SLC9A8: variants seen among roughly 807,000 people sequenced by gnomAD.
The protein encoded by SLC9A8 is sodium/hydrogen exchanger 8.
SLC9A8 carries 48 observed loss-of-function variants against 66.6 expected under a neutral mutation model. The ratio of observed to expected loss-of-function variants is 0.72; its 90% CI spans 0.57 to 0.92. The LOEUF (loss-of-function observed/expected upper bound fraction) is 0.92, where lower values mean the gene tolerates loss of function less well. Ranked by LOEUF, SLC9A8 falls within the 40% of genes least tolerant of loss-of-function variation. The pLI is 0.00. For synonymous variants in SLC9A8, 274 were observed against 282.6 expected (o/e 0.97, Z 0.31); for missense variants, 599 against 747.3 (o/e 0.80, Z 2.31).
In SLC9A8 at chr20:49,869,416, G is replaced by C. The variant is rs2294601; in HGVS notation, c.958+4572G>C. Among the ~76,000 whole-genome samples, 3,392 of 151,680 alleles carry C rather than the reference G, an allele frequency of 0.022. 365 individuals carry two copies. In the East Asian group the frequency reaches 0.35, roughly 15 times the overall value. ...TTTTTGTATTTTTAGTAGAGACAGG[G>C]TTTCACCATCTTGGCCAGGCTGATC... On this transcript the variant is annotated intron_variant, in intron 10 of 15. Coordinates refer to ENST00000361573, the MANE Select transcript of SLC9A8 (RefSeq NM_015266.3).
intron 8 of SLC9A8, among the ~76,000 whole-genome samples, chr20:49,861,838 C>T (rs955344225): frequency 3.3e-5 from 5 of 152,134 alleles, no homozygotes; most frequent in Non-Finnish European, 5.9e-5. Context: ...TCTTTCATTT[C>T]TTCCTCCTTA....
At chr20:49,847,950 C>G (rs1385371391) in intron 5 of SLC9A8, among the ~76,000 whole-genome samples, 1 of 98,260 alleles carries the variant, frequency 1.0e-5, no homozygotes, top group African/African-American at 4.1e-5. Flanking sequence ...GCTCTTGTTG[C>G]CCAGGCTGGA....
At chr20:49,885,939 A>G (rs2089873847) in intron 14 of SLC9A8, among the ~76,000 whole-genome samples, 1 of 152,174 alleles carries the variant, frequency 6.6e-6, no homozygotes, top group South Asian at 2.1e-4. Context: ...ATTCAGACCT[A>G]CTGAATTAGC....
At chr20:49,820,801 T>C (rs943861346) in intron 2 of SLC9A8, among the ~76,000 whole-genome samples, 5 of 152,074 alleles carry the variant, frequency 3.3e-5, no homozygotes, top group Non-Finnish European at 5.9e-5. Context: ...TGCCTCAGCC[T>C]CCCAAAGTGC....
intron 1 of SLC9A8, 76 bp downstream of exon 1, chr20:49,813,024 C>T (rs958278633): frequency 1.7e-5 from 21 of 1,260,636 alleles, no homozygotes; most frequent in Non-Finnish European, 2.2e-5. Flanking sequence ...CCTCAGGCCG[C>T]CCTCCGGCCC....
chr20:49,849,394 C>T (rs932813559), intron 5 of SLC9A8, among the ~76,000 whole-genome samples, 185 bp from the exon 6 acceptor site: 8 of 151,948 alleles, frequency 5.3e-5, no homozygotes, highest in Non-Finnish European at 7.4e-5. Flanking sequence ...GTGTGAGTGA[C>T]GGGACACTGC....
intron 3 of SLC9A8, among the ~76,000 whole-genome samples, chr20:49,824,002 T>C (rs1383803322): frequency 6.6e-6 from 1 of 152,200 alleles, no homozygotes; most frequent in Non-Finnish European, 1.5e-5. Flanking sequence ...TTGTTTAGAT[T>C]AGCTTTGGAA....
chr20:49,850,767 T>G (rs1172053395), intron 6 of SLC9A8, 43 bp from the exon 7 acceptor site: 1 of 1,602,860 alleles, frequency 6.2e-7, no homozygotes, highest in East Asian at 2.2e-5. Context: ...TCCAGGGTTT[T>G]TTTTTTGTGT....
At position 49,812,863 on chromosome 20, in the gene SLC9A8, CA is replaced by C; in HGVS notation, c.-56del. On this transcript the variant is annotated 5_prime_UTR_variant, in exon 1 of 16. Coordinates refer to ENST00000361573, the MANE Select transcript of SLC9A8 (RefSeq NM_015266.3). ...CCGCGCCTCCAGCGGAAGCCGGAAG[CA>C]AAAGCGGGTCCTGCTAGCCCCGCGG... 1 of 1,492,112 alleles carries C rather than the reference CA, an allele frequency of 6.7e-7. No individual in the cohort carries two copies. The highest frequency in any genetic ancestry group is 8.9e-7 in the Non-Finnish European group (1 of 1,123,218). The allele number at this position is 1,492,112 out of a possible 1,614,324, so 92.4% of individuals were successfully genotyped here.
At chr20:49,860,693 C>G (rs2088695239) in intron 8 of SLC9A8, among the ~76,000 whole-genome samples, 1 of 152,128 alleles carries the variant, frequency 6.6e-6, no homozygotes, top group African/African-American at 2.4e-5. Context: ...TGCACTCCAG[C>G]CTGAGCAACA....
rs536359920 is a variant in SLC9A8 at position 49,887,990 on chromosome 20, A to G, written c.*54A>G. 1 of 1,385,286 alleles carries G rather than the reference A, an allele frequency of 7.2e-7. No individual in the cohort carries two copies. Among genetic ancestry groups the G allele is most frequent in the South Asian group, 1.2e-5 (1 of 85,916 alleles). 85.8% of individuals were successfully genotyped at this position (1,385,286 alleles called of 1,614,324 possible). A position where few individuals can be genotyped will look rare whatever the true frequency, so the allele number is the denominator to read the frequency against. On this transcript the variant is annotated 3_prime_UTR_variant, in exon 16 of 16. Coordinates refer to ENST00000361573, the MANE Select transcript of SLC9A8 (RefSeq NM_015266.3). ...GGCCCAGGATGGGCGTTTGCTGCGC[A>G]CAGACACTCAGCAGGGGCCTCGCAG...
chr20:49,884,817 C>T (rs796341887), intron 14 of SLC9A8, among the ~76,000 whole-genome samples: 3 of 152,332 alleles, frequency 2.0e-5, no homozygotes, highest in African/African-American at 7.2e-5. Flanking sequence ...GCCTTCCCGC[C>T]CTGTCTTCAC....
At position 49,887,905 on chromosome 20, in the gene SLC9A8, GC is replaced by G. The variant is rs754862012; in HGVS notation, c.1716del (p.Ser573ProfsTer126). ...GAGGAGGTACGCCAGGGCCCCTCCG[GC>G]TCCGAGGACGACGAGCAGGAGCTGC... ...WYEEVRQGPS[G>X]SEDDEQELL is the part of the protein sequence containing the mutation. On this transcript the variant is annotated frameshift_variant, in exon 16 of 16. Coordinates refer to ENST00000361573, the MANE Select transcript of SLC9A8 (RefSeq NM_015266.3). LOFTEE classifies it high-confidence loss of function. The G allele has an allele frequency of 1.2e-6, 2 of 1,613,722 alleles. No individual in the cohort carries two copies. Among genetic ancestry groups the G allele is most frequent in the Non-Finnish European group, 8.5e-7 (1 of 1,179,912 alleles).
At chr20:49,823,023 G>GT (rs749149085) in intron 2 of SLC9A8, 38 bp from the exon 3 acceptor site, 113 of 1,529,524 alleles carry the variant, frequency 7.4e-5, no homozygotes, top group East Asian at 1.4e-4. Flanking sequence ...AGAATTGAGT[G>GT]TTTTTTTTAA....
At chr20:49,862,407 G>A (rs919572416) in intron 8 of SLC9A8, among the ~76,000 whole-genome samples, 6 of 152,034 alleles carry the variant, frequency 3.9e-5, no homozygotes, top group African/African-American at 1.2e-4. Flanking sequence ...GATTACAGGC[G>A]TGCACCACCA....
In SLC9A8 at chr20:49,812,968, G is replaced by GGCGGCGGAGGCGGCGGGGCTGGGCC; in HGVS notation, c.26+21_26+45dup. The GGCGGCGGAGGCGGCGGGGCTGGGCC allele has an allele frequency of 7.2e-7, 1 of 1,392,938 alleles. No individual in the cohort carries two copies. Among genetic ancestry groups the GGCGGCGGAGGCGGCGGGGCTGGGCC allele is most frequent in the Non-Finnish European group, 9.3e-7 (1 of 1,072,872 alleles). 86.3% of individuals were successfully genotyped at this position (1,392,938 alleles called of 1,614,324 possible). A position where few individuals can be genotyped will look rare whatever the true frequency, so the allele number is the denominator to read the frequency against. On this transcript the variant is annotated intron_variant, in intron 1 of 15. Coordinates refer to ENST00000361573, the MANE Select transcript of SLC9A8 (RefSeq NM_015266.3). ...AGAGGAGTGAGTGGGCTTTTTCCCG[G>GGCGGCGGAGGCGGCGGGGCTGGGCC]GCGGCGGAGGCGGCGGGGCTGGGCC... is the stretch of plus-strand genomic sequence containing the variant.
chr20:49,857,051 A>G (rs989057321), intron 8 of SLC9A8, among the ~76,000 whole-genome samples: 12 of 152,234 alleles, frequency 7.9e-5, no homozygotes, highest in African/African-American at 2.4e-4. Flanking sequence ...TCTGCATTTT[A>G]TGGTGGTCAT....
rs2089800318 is a variant in SLC9A8 at position 49,884,318 on chromosome 20, ACACACACACACACACACACC to A, written c.1491+254_1491+273del. ...CACACACACACACACACACACACAC[ACACACACACACACACACACC>A]CCCCGGTCATCCCCCCTGAGAAGGA... On this transcript the variant is annotated intron_variant, in intron 14 of 15. Coordinates refer to ENST00000361573, the MANE Select transcript of SLC9A8 (RefSeq NM_015266.3). Among the ~76,000 whole-genome samples, 4 of 143,392 alleles carry A rather than the reference ACACACACACACACACACACC, an allele frequency of 2.8e-5. 1 individual carries two copies. The highest frequency in any genetic ancestry group is 6.9e-5 in the Admixed American group (1 of 14,404). 94.1% of individuals were successfully genotyped at this position (143,392 alleles called of 152,430 possible).
Position 49,888,171 on chromosome 20 carries a change from T to A in SLC9A8, c.*235T>A. 1 of 446,222 alleles carries A rather than the reference T, an allele frequency of 2.2e-6. No individual in the cohort carries two copies. The highest frequency in any genetic ancestry group is 2.1e-5 in the South Asian group (1 of 47,092). 27.6% of individuals were successfully genotyped at this position (446,222 alleles called of 1,614,324 possible). A position where few individuals can be genotyped will look rare whatever the true frequency, so the allele number is the denominator to read the frequency against. Reference sequence around the variant, plus strand: ...GACTCCTCCCTGAGCCAGCCTCCGCTCAGTGTGGCTCCTCAGCCCACAGAG... The same window carrying A: ...GACTCCTCCCTGAGCCAGCCTCCGCACAGTGTGGCTCCTCAGCCCACAGAG... On this transcript the variant is annotated 3_prime_UTR_variant, in exon 16 of 16. Transcript: ENST00000361573.
Sources: allele counts gnomAD v4.1 joint callset (sites outside exome capture counted in the v4.1 genomes callset), GRCh38; gene constraint gnomAD v4.1.1; transcripts MANE v1.5; gene names NCBI Gene and HGNC (gene_info 2026-07-23, HGNC 2026-07-21).